The following TNK2 variants were observed in gnomAD, a reference collection of about 807,000 sequenced individuals.
TNK2 encodes the protein activated CDC42 kinase 1.
Under a neutral mutation model 101.8 loss-of-function variants are expected in TNK2, and 83 were observed. That is an observed-to-expected ratio of 0.82 (90% confidence interval 0.68 to 0.98). TNK2 has a LOEUF of 0.98. Ranked by LOEUF, TNK2 falls within the 50% of genes least tolerant of loss-of-function variation. The pLI is 0.00. For missense variants in TNK2, 1,665 were observed against 1,483.2 expected, an observed-to-expected ratio of 1.12 and a Z score of -2.01; for synonymous variants, 804 against 633.0, an observed-to-expected ratio of 1.27 and a Z score of -4.06.
At position 195,884,822 on chromosome 3, in the gene TNK2, G is replaced by A; in HGVS notation, c.446C>T (p.Ser149Leu). 1 of 1,610,858 alleles carries A rather than the reference G, an allele frequency of 6.2e-7. No homozygotes were observed. Among genetic ancestry groups the A allele is most frequent in the Non-Finnish European group, 8.5e-7 (1 of 1,179,424 alleles). The stretch of plus-strand genomic sequence containing the variant: ...ACACAGAGAGCTCACCGTCTTCCCT[G>A]AGGGCGCGTCCCACTCGCCCCTGCG... ...VVRRGEWDAPSGKTVSVAVKC... is the reference protein window; with the variant it reads ...VVRRGEWDAPLGKTVSVAVKC... The change falls in exon 4 of 16, where the codon TCA becomes TTA. Residue 149 changes from serine (S) to leucine (L), a missense_variant. Around this residue, in one of 3 missense-constraint regions of TNK2, gnomAD observed 490 missense variants for 522.5 expected, o/e 0.94. Transcript: ENST00000672887.
chr3:195,907,424 T>A (rs1761847185), intron 1 of TNK2, among the ~76,000 whole-genome samples: 1 of 152,160 alleles, frequency 6.6e-6, no homozygotes, highest in African/African-American at 2.4e-5. Flanking sequence ...TCTGGGTCCA[T>A]CTGACTCACA....
Position 195,876,473 on chromosome 3 carries a change from C to T in TNK2, c.1256+1780G>A, listed in dbSNP as rs763276173. On this transcript the variant is annotated intron_variant, in intron 9 of 15. Transcript: ENST00000672887. ...AGCCATCCGCCTGGAGACATGGAGA[C>T]GGAGGCAGCCAAACAAACATGGAGA... 1.4e-4 allele frequency: 63 copies of T among 456,808 alleles called. No individual in the cohort carries two copies. In the Middle Eastern group the frequency reaches 3.9e-3, roughly 28 times the overall value. The allele number at this position is 456,808 out of a possible 1,614,324, so 28.3% of individuals were successfully genotyped here.
chr3:195,896,042 C>A, intron 1 of TNK2: 1 of 449,774 alleles, frequency 2.2e-6, no homozygotes, highest in Non-Finnish European at 4.5e-6. Context: ...GTGCGCTGGG[C>A]ACGCACTGAC....
intron 9 of TNK2, chr3:195,876,487 CA>C (rs1228335068): frequency 4.4e-6 from 2 of 456,820 alleles, no homozygotes; most frequent in Non-Finnish European, 8.8e-6. Flanking sequence ...GGCAGCCAAA[CA>C]AACATGGAGA....
intron 9 of TNK2, among the ~76,000 whole-genome samples, chr3:195,873,824 C>CG (rs1205450790): frequency 3.3e-4 from 48 of 147,424 alleles, no homozygotes; most frequent in Non-Finnish European, 7.5e-5. Flanking sequence ...GGCGGGGAGG[C>CG]GGGGGGCGCG....
intron 2 of TNK2, among the ~76,000 whole-genome samples, chr3:195,887,505 T>C (rs892995838): frequency 2.0e-5 from 3 of 152,264 alleles, no homozygotes; most frequent in Non-Finnish European, 4.4e-5. Flanking sequence ...TTTAGCTATT[T>C]TAACTAAGTC....
chr3:195,892,131 A>T (rs534763105), intron 1 of TNK2: 5 of 570,600 alleles, frequency 8.8e-6, no homozygotes, highest in Non-Finnish European at 1.3e-5. Context: ...GCTCCTCCAG[A>T]GTTCAAACAC....
intron 6 of TNK2, among the ~76,000 whole-genome samples, chr3:195,881,772 A>G (rs1203855924): frequency 6.6e-6 from 1 of 150,624 alleles, no homozygotes; most frequent in Non-Finnish European, 1.5e-5. Flanking sequence ...TGGAGAGGAC[A>G]CAGCATCTAT....
chr3:195,891,557 CG>C (rs766737941), intron 1 of TNK2, among the ~76,000 whole-genome samples: 1 of 152,138 alleles, frequency 6.6e-6, no homozygotes, highest in Non-Finnish European at 1.5e-5. Flanking sequence ...CGTGGCTTTC[CG>C]GAAGCAAGCC....
At chr3:195,870,928 TGG>T (rs1744709388) in intron 10 of TNK2, among the ~76,000 whole-genome samples, 1 of 150,796 alleles carries the variant, frequency 6.6e-6, no homozygotes, top group Admixed American at 6.6e-5. Flanking sequence ...TTCTGGTGTG[TGG>T]GGGCCCGCTG....
At chr3:195,876,658 C>G (rs1268883020) in intron 9 of TNK2, 1 of 455,512 alleles carries the variant, frequency 2.2e-6, no homozygotes, top group Admixed American at 2.4e-5. Flanking sequence ...GGTTCCAAGC[C>G]AGGGCTGGTG....
intron 2 of TNK2, among the ~76,000 whole-genome samples, chr3:195,887,957 TGTGTGTGTGTGTGTGTGTATGCCTGTGC>T (rs1756806080): frequency 5.0e-5 from 1 of 19,978 alleles, no homozygotes; most frequent in African/African-American, 5.6e-4. Flanking sequence ...TGTGCCTGCG[TGTGTGTGTGTGTGTGTGTATGCCTGTGC>T]GTGTGCATGC....
At chr3:195,901,329 A>G (rs1191928389) in intron 1 of TNK2, among the ~76,000 whole-genome samples, 2 of 152,176 alleles carry the variant, frequency 1.3e-5, no homozygotes, top group African/African-American at 4.8e-5. Context: ...TCTTCTGGCC[A>G]CAGGGTAGGG....
Position 195,870,214 on chromosome 3 carries a change from G to T in TNK2, c.1452-9C>A, listed in dbSNP as rs377272458. 29 of 1,598,054 alleles carry T rather than the reference G, an allele frequency of 1.8e-5. No homozygotes were observed. Among genetic ancestry groups the T allele is most frequent in the Non-Finnish European group, 2.5e-5 (29 of 1,171,672 alleles). On this transcript the variant is annotated splice_polypyrimidine_tract_variant and intron_variant, in intron 10 of 15. Transcript: ENST00000672887. The stretch of plus-strand genomic sequence containing the variant: ...GGTTTCCCAGATACAGTCTGTGGGG[G>T]AGAGAGCTGGGTCAAGAGAGCAGGG...
At chr3:195,899,730 G>A (rs866734542) in intron 1 of TNK2, among the ~76,000 whole-genome samples, 5 of 152,188 alleles carry the variant, frequency 3.3e-5, no homozygotes, top group Non-Finnish European at 5.9e-5. Flanking sequence ...CTGAAGGAGC[G>A]GTCTGTATAC....
rs767024079 is a variant in TNK2, at chr3:195,884,957, G to C, written c.311C>G (p.Ala104Gly). The change falls in exon 4 of 16, where the codon GCC (alanine) becomes GGC (glycine). Residue 104 changes from alanine to glycine, a missense_variant. Around this residue, in one of 3 missense-constraint regions of TNK2, gnomAD observed 490 missense variants for 522.5 expected, o/e 0.94. Coordinates refer to ENST00000672887, the MANE Select transcript of TNK2 (RefSeq NM_001382273.1). ...CCCCTCCCCTGCTGGGCCCCCAGGG[G>C]CGGGCGAGGTCTTCCGGAAGGTGCT... ...SQSTFRKTSP[A>G]PGGPAGEGPL... The C allele has an allele frequency of 6.2e-7, 1 of 1,613,886 alleles. No homozygotes were observed.
In TNK2 at chr3:195,868,154, G is replaced by A. The variant is rs947751079; in HGVS notation, c.2144C>T (p.Ser715Phe). Reference protein sequence around the residue: ...PPQGGGKPPSSAQTAEIFQAL... With the variant: ...PPQGGGKPPSFAQTAEIFQAL... Reference sequence around the variant, plus strand: ...CTGGAAGATCTCTGCGGTCTGTGCGGAGCTGGGCGGCTTGCCCCCACCCTG... The same window carrying A: ...CTGGAAGATCTCTGCGGTCTGTGCGAAGCTGGGCGGCTTGCCCCCACCCTG... The change falls in exon 13 of 16, where the codon TCC becomes TTC. Residue 715 changes from serine (S) to phenylalanine (F), a missense_variant. By Grantham distance (155) the Ser-to-Phe change is radical. This residue lies in a region of TNK2 where 1,136 missense variants were observed against 894.9 expected (regional missense o/e 1.27). Coordinates refer to ENST00000672887, the MANE Select transcript of TNK2 (RefSeq NM_001382273.1). 6 of 1,611,064 alleles carry A rather than the reference G, an allele frequency of 3.7e-6. No individual in the cohort carries two copies. In the Admixed American group the frequency reaches 1.0e-4, roughly 27 times the overall value.
intron 12 of TNK2, chr3:195,869,152 C>A (rs1472369279): frequency 3.7e-6 from 2 of 539,658 alleles, no homozygotes; most frequent in African/African-American, 1.9e-5. Context: ...GGACAGTACT[C>A]CTGACCAACG....
chr3:195,868,923 C>T (rs1742830640), intron 12 of TNK2: 2 of 579,856 alleles, frequency 3.4e-6, no homozygotes, highest in Non-Finnish European at 2.9e-6. Flanking sequence ...CCGGCAGCCC[C>T]ATGTGGGCCG....
Sources: gnomAD v4.1 joint callset for allele counts (sites outside exome capture counted in the v4.1 genomes callset) on GRCh38, gnomAD v4.1.1 for gene constraint, gnomAD v4.1.1 regional missense constraint, MANE v1.5 for transcripts, NCBI Gene and HGNC (gene_info 2026-07-23, HGNC 2026-07-21) for gene names.